REV1: variants seen among roughly 807,000 people sequenced by gnomAD.
The protein encoded by REV1 is translesion synthesis protein REV1.
In REV1, 42 loss-of-function variants were observed where a neutral mutation model predicts 137.4. The ratio of observed to expected loss-of-function variants is 0.31; its 90% CI spans 0.24 to 0.40. The LOEUF is 0.40. REV1 is among the 10% of genes least tolerant of loss of function. The probability of loss-of-function intolerance (pLI) is 1.00; values close to 1 mark genes in which losing one functional copy is unlikely to be tolerated. For synonymous variants in REV1, 524 were observed against 519.2 expected (o/e 1.01, Z -0.12); for missense variants, 1,282 against 1,490.1 (o/e 0.86, Z 2.30).
At chr2:99,473,852 A>G (rs534822003) in intron 1 of REV1, among the ~76,000 whole-genome samples, 1 of 152,220 alleles carries the variant, frequency 6.6e-6, no homozygotes, top group Non-Finnish European at 1.5e-5. Flanking sequence ...TGATCTTTCC[A>G]TCTTTTCTTG....
intron 1 of REV1, among the ~76,000 whole-genome samples, chr2:99,477,977 A>T (rs760554787): frequency 9.2e-5 from 14 of 152,222 alleles, no homozygotes; most frequent in Non-Finnish European, 2.1e-4. Flanking sequence ...TCACACCTGT[A>T]ATCCCAAGAC....
Position 99,435,869 on chromosome 2 carries a change from A to G in REV1, c.1286T>C (p.Val429Ala). 6.2e-7 allele frequency: 1 copy of G among 1,606,822 alleles called. No homozygotes were observed. The highest frequency in any genetic ancestry group is 1.1e-5 in the South Asian group (1 of 90,592). The change falls in exon 7 of 23, where the codon GTA (valine) becomes GCA (alanine). Residue 429 changes from valine (V) to alanine (A), a missense_variant. Physicochemically the swap from Val to Ala is moderately conservative, Grantham distance 64. Coordinates refer to ENST00000258428, the MANE Select transcript of REV1 (RefSeq NM_016316.4). ...TGGTCTATTTCGTATACCCACTGAT[A>G]CAAAGAAGCAATCCATATCAACATG... ...IMHVDMDCFF[V>A]SVGIRNRPDL...
chr2:99,486,626 C>T (rs1354124910), intron 1 of REV1, among the ~76,000 whole-genome samples: 1 of 152,162 alleles, frequency 6.6e-6, no homozygotes, highest in African/African-American at 2.4e-5. Flanking sequence ...TACAGTCATC[C>T]TACAGATGAG....
chr2:99,460,350 C>G (rs1480684104), intron 3 of REV1, among the ~76,000 whole-genome samples: 1 of 152,210 alleles, frequency 6.6e-6, no homozygotes, highest in Non-Finnish European at 1.5e-5. Context: ...GCTGGGATTG[C>G]AGGCGTGAGC....
chr2:99,449,151 G>A (rs2104945791), intron 4 of REV1, among the ~76,000 whole-genome samples, 185 bp downstream of exon 4: 1 of 152,170 alleles, frequency 6.6e-6, no homozygotes, highest in Non-Finnish European at 1.5e-5. Flanking sequence ...TGTAGTCCCA[G>A]CTACTCTGGA....
chr2:99,411,145 T>C (rs921793996), intron 13 of REV1, among the ~76,000 whole-genome samples: 1 of 151,816 alleles, frequency 6.6e-6, no homozygotes, highest in Non-Finnish European at 1.5e-5. Context: ...AAAATTAGCC[T>C]GGCGTGGTGG....
intron 6 of REV1, 111 bp downstream of exon 6, chr2:99,438,489 CT>C: frequency 1.4e-6 from 1 of 730,470 alleles, no homozygotes; most frequent in South Asian, 1.8e-5. Flanking sequence ...ATTTGACATA[CT>C]TAGAGACTTT....
intron 4 of REV1, among the ~76,000 whole-genome samples, chr2:99,447,711 A>G (rs1187927772): frequency 6.6e-6 from 1 of 151,778 alleles, no homozygotes; most frequent in Non-Finnish European, 1.5e-5. Context: ...GAGTGACTGC[A>G]TAAAGTTTTT....
At chr2:99,464,549 G>A (rs1309030285) in intron 2 of REV1, among the ~76,000 whole-genome samples, 1 of 152,138 alleles carries the variant, frequency 6.6e-6, no homozygotes, top group Non-Finnish European at 1.5e-5. Flanking sequence ...TCCAGGTTGA[G>A]ATATATAAAG....
rs1055564286 is a variant in REV1 at position 99,438,520 on chromosome 2, C to G, written c.1213+81G>C. 7.6e-5 allele frequency: 78 copies of G among 1,022,076 alleles called. No homozygotes were observed. The African/African-American group carries it at 1.2e-3, about 16-fold the overall frequency. 63.3% of individuals were successfully genotyped at this position (1,022,076 alleles called of 1,614,324 possible). A position where few individuals can be genotyped will look rare whatever the true frequency, so the allele number is the denominator to read the frequency against. ...GACTTTTATGAGAACTTCATATTGA[C>G]CAGAAATACCAATAATAGCATAAGA... On this transcript the variant is annotated intron_variant, in intron 6 of 22. Coordinates refer to ENST00000258428, the MANE Select transcript of REV1 (RefSeq NM_016316.4).
chr2:99,438,766 A>G lies in REV1; in HGVS notation c.1048T>C (p.Ser350Pro). The change falls in exon 6 of 23, where the codon TCA becomes CCA. Residue 350 changes from serine to proline, a missense_variant. Ser to Pro is a moderately conservative substitution (Grantham distance 74). Transcript: ENST00000258428. ...AGTCTTGAATGAGAATAGAAGTTTG[A>G]AATAAAATTGCAGTCTGAAGGTTTG... The part of the protein sequence containing the change: ...PSKPSDCNFI[S>P]NFYSHSRLHH... 6.2e-7 allele frequency: 1 copy of G among 1,614,260 alleles called. No homozygotes were observed. Among genetic ancestry groups the G allele is most frequent in the Non-Finnish European group, 8.5e-7 (1 of 1,180,050 alleles).
chr2:99,401,755 T>G (rs1009954970), intron 22 of REV1, among the ~76,000 whole-genome samples: 1 of 152,106 alleles, frequency 6.6e-6, no homozygotes, highest in Middle Eastern at 3.4e-3. Context: ...TCAAAAAAAA[T>G]AAAATCCTAG....
chr2:99,436,420 TA>T (rs1421060757), intron 6 of REV1, among the ~76,000 whole-genome samples: 1 of 152,296 alleles, frequency 6.6e-6, no homozygotes, highest in African/African-American at 2.4e-5. Flanking sequence ...TCTTGTAGAC[TA>T]AAAGTTTAAG....
chr2:99,485,064 T>A (rs1194300096), intron 1 of REV1, among the ~76,000 whole-genome samples: 3 of 151,802 alleles, frequency 2.0e-5, no homozygotes, highest in African/African-American at 2.4e-5. Context: ...CTTTGACTTT[T>A]AAAAAAAAAT....
intron 19 of REV1, 150 bp from the exon 20 acceptor site, chr2:99,403,256 A>G: frequency 1.5e-6 from 1 of 655,556 alleles, no homozygotes; most frequent in South Asian, 2.0e-5. Flanking sequence ...GTGAATGGCA[A>G]TGGCCCAAAG....
chr2:99,454,904 C>A (rs1188932460), intron 3 of REV1, among the ~76,000 whole-genome samples: 1 of 152,148 alleles, frequency 6.6e-6, no homozygotes, highest in Non-Finnish European at 1.5e-5. Flanking sequence ...CAATTTAGCC[C>A]ACGTTTAGAC....
rs1182653553 is a variant in REV1 at position 99,489,871 on chromosome 2, G to A, written c.-65C>T. 2.0e-5 allele frequency: 3 copies of A among 149,234 alleles called. No homozygotes were observed. Among genetic ancestry groups the A allele is most frequent in the Non-Finnish European group, 3.0e-5 (2 of 67,122 alleles). 9.2% of individuals were successfully genotyped at this position (149,234 alleles called of 1,614,324 possible). ...GGGCCCGGCGGCCTTCTCCGGCCTT[G>A]CGGACCCCGGCCCCGCCGCCGCCAG... On this transcript the variant is annotated 5_prime_UTR_variant, in exon 1 of 23. Transcript: ENST00000258428.
intron 12 of REV1, among the ~76,000 whole-genome samples, chr2:99,414,619 T>G (rs560063068): frequency 4.6e-5 from 7 of 152,082 alleles, no homozygotes; most frequent in African/African-American, 1.7e-4. Flanking sequence ...CTATTTGCTT[T>G]TAAGAAAGAC....
At chr2:99,449,888 TTACA>T (rs1278775286) in intron 3 of REV1, among the ~76,000 whole-genome samples, 2 of 152,192 alleles carry the variant, frequency 1.3e-5, no homozygotes, top group African/African-American at 4.8e-5. Context: ...ATGAATCATT[TTACA>T]AAGACTAATC....
Sources: gnomAD v4.1 joint callset for allele counts (sites outside exome capture counted in the v4.1 genomes callset) on GRCh38, gnomAD v4.1.1 for gene constraint, MANE v1.5 for transcripts, NCBI Gene and HGNC (gene_info 2026-07-23, HGNC 2026-07-21) for gene names.